The following AASS variants were observed in gnomAD, a reference collection of about 807,000 sequenced individuals.
AASS encodes alpha-aminoadipic semialdehyde synthase, mitochondrial.
In AASS, 86 loss-of-function variants were observed where a neutral mutation model predicts 105.4. That is an observed-to-expected ratio of 0.82 (90% CI 0.69 to 0.98). The LOEUF is 0.98. Ranked by LOEUF, AASS falls within the 50% of genes least tolerant of loss-of-function variation. AASS has a pLI of 0.00. For synonymous variants in AASS, 381 were observed against 394.8 expected, an observed-to-expected ratio of 0.96 and a Z score of 0.41; for missense variants, 1,048 against 1,143.2, an observed-to-expected ratio of 0.92 and a Z score of 1.20.
Position 122,077,735 on chromosome 7 carries a change from T to C in AASS, c.2662+103A>G. The C allele has an allele frequency of 3.5e-6, 5 of 1,428,548 alleles. No individual in the cohort carries two copies. In the East Asian group the frequency reaches 6.8e-5, roughly 19 times the overall value. 88.5% of individuals were successfully genotyped at this position (1,428,548 alleles called of 1,614,324 possible). A position where few individuals can be genotyped will look rare whatever the true frequency, so the allele number is the denominator to read the frequency against. ...ATCTTCTAAGATGGTTCACTTTTAG[T>C]AAATGCCTGTGTTACGCTCAAGAGC... On this transcript the variant is annotated intron_variant, in intron 23 of 23. Transcript: ENST00000417368.
At chr7:122,132,428 A>G (rs567225278) in intron 2 of AASS, among the ~76,000 whole-genome samples, 32 of 152,322 alleles carry the variant, frequency 2.1e-4, no homozygotes, top group Non-Finnish European at 4.1e-4. Context: ...AAGATTATCA[A>G]TGGAGGCTGA....
intron 15 of AASS, among the ~76,000 whole-genome samples, chr7:122,094,354 C>T (rs928627094): frequency 8.6e-5 from 13 of 151,980 alleles, no homozygotes; most frequent in Non-Finnish European, 1.8e-4. Flanking sequence ...TAGCAATACT[C>T]TATTCTATTT....
Position 122,101,654 on chromosome 7 carries a change from A to C in AASS, c.1305T>G (p.Leu435=). The change falls in exon 12 of 24, where the codon CTT becomes CTG. Residue 435 remains leucine, a synonymous_variant. Transcript: ENST00000417368. ...CCACAGGAGAAAAATTCTGACTTTC[A>C]AGAGGCTGTGTCGCGTCTGATAATA... ...EMILSDATQP[L]ESQNFSPVVR... The C allele has an allele frequency of 6.2e-7, 1 of 1,611,784 alleles. No individual in the cohort carries two copies.
At chr7:122,123,445 T>A (rs1041377066) in intron 4 of AASS, among the ~76,000 whole-genome samples, 52 of 152,358 alleles carry the variant, frequency 3.4e-4, no homozygotes, top group African/African-American at 1.2e-3. Context: ...TTGTTTTCTA[T>A]ATCTCATTCA....
Position 122,076,527 on chromosome 7 carries a change from C to T in AASS, c.2743G>A (p.Gly915Ser). 6.2e-7 allele frequency: 1 copy of T among 1,613,848 alleles called. No homozygotes were observed. The highest frequency in any genetic ancestry group is 8.5e-7 in the Non-Finnish European group (1 of 1,179,782). Reference sequence around the variant, plus strand: ...GTACTCTGTGTAGTATATATAATGCCTTCTGCTTTAATTCGCTCCAATATT... The same window carrying T: ...GTACTCTGTGTAGTATATATAATGCTTTCTGCTTTAATTCGCTCCAATATT... Reference protein sequence around the residue: ...GPILERIKAEGIIYTTQSTIK... With the variant: ...GPILERIKAESIIYTTQSTIK... Residue 915 changes from glycine (G) to serine (S), a missense_variant, in exon 24 of 24, where the codon GGC becomes AGC. Physicochemically the swap from Gly to Ser is moderately conservative, Grantham distance 56. Transcript: ENST00000417368.
At position 122,079,648 on chromosome 7, in the gene AASS, G is replaced by C. The variant is rs779774747; in HGVS notation, c.2345C>G (p.Ala782Gly). Reference protein sequence around the residue: ...PSSEHDVLKEAVLKKLGGDNT... With the variant: ...PSSEHDVLKEGVLKKLGGDNT... ...GTCTCCTCCTAGTTTCTTAAGAACA[G>C]CTTCCTTCAACACATCATGCTCAGA... is the stretch of plus-strand genomic sequence containing the variant. Residue 782 changes from alanine to glycine, a missense_variant, in exon 21 of 24, where the codon GCT becomes GGT. By Grantham distance (60) the Ala-to-Gly change is moderately conservative (BLOSUM62 0). Transcript: ENST00000417368. 1.6e-5 allele frequency: 26 copies of C among 1,613,918 alleles called. No individual in the cohort carries two copies. The highest frequency in any genetic ancestry group is 1.6e-4 in the Middle Eastern group (1 of 6,082).
intron 1 of AASS, among the ~76,000 whole-genome samples, chr7:122,141,147 C>T (rs1248065691): frequency 6.6e-6 from 1 of 152,170 alleles, no homozygotes; most frequent in Non-Finnish European, 1.5e-5. Flanking sequence ...CTTTGACTTC[C>T]TGTGCGTGGG....
At chr7:122,079,918 C>T (rs533136281) in intron 20 of AASS, among the ~76,000 whole-genome samples, 14 of 152,214 alleles carry the variant, frequency 9.2e-5, no homozygotes, top group East Asian at 1.9e-4. Context: ...CTATTCCAAA[C>T]GATATTTCAC....
chr7:122,108,932 T>G (rs1337738923), intron 11 of AASS, among the ~76,000 whole-genome samples: 2 of 152,048 alleles, frequency 1.3e-5, no homozygotes, highest in Non-Finnish European at 2.9e-5. Context: ...ATCAAAACAC[T>G]GTTGGAACTG....
At chr7:122,124,465 T>G (rs995476453) in intron 4 of AASS, among the ~76,000 whole-genome samples, 22 of 152,294 alleles carry the variant, frequency 1.4e-4, no homozygotes, top group African/African-American at 5.1e-4. Context: ...GTATTTTTAG[T>G]AGAGAAGGGG....
At chr7:122,114,892 C>T (rs771120038) in intron 9 of AASS, among the ~76,000 whole-genome samples, 182 bp downstream of exon 9, 5 of 151,240 alleles carry the variant, frequency 3.3e-5, no homozygotes, top group African/African-American at 4.9e-5. Context: ...TAAATATATA[C>T]AATAAAATTT....
chr7:122,109,295 G>T (rs1416268094), intron 11 of AASS, among the ~76,000 whole-genome samples: 1 of 137,678 alleles, frequency 7.3e-6, no homozygotes, highest in Non-Finnish European at 1.6e-5. Context: ...AAATAGAAAA[G>T]ACAATCCTAA....
chr7:122,098,964 C>T, intron 13 of AASS, 98 bp from the exon 14 acceptor site: 7 of 1,285,878 alleles, frequency 5.4e-6, no homozygotes, highest in South Asian at 1.6e-5. Flanking sequence ...CATACTAAAA[C>T]CTAAATAATG....
At chr7:122,116,272 C>T (rs535032798) in intron 8 of AASS, among the ~76,000 whole-genome samples, 1 of 152,230 alleles carries the variant, frequency 6.6e-6, no homozygotes, top group East Asian at 1.9e-4. Context: ...CAATTTGCGG[C>T]CATGTTGAGA....
intron 18 of AASS, among the ~76,000 whole-genome samples, chr7:122,087,144 G>A (rs1414205209): frequency 6.6e-6 from 1 of 152,188 alleles, no homozygotes; most frequent in Non-Finnish European, 1.5e-5. Flanking sequence ...CACTGTACCA[G>A]GGAGCTGCCA....
chr7:122,126,645 G>A (rs533927404), intron 3 of AASS, among the ~76,000 whole-genome samples, 186 bp from the exon 4 acceptor site: 4 of 152,164 alleles, frequency 2.6e-5, no homozygotes, highest in Admixed American at 6.5e-5. Context: ...CCAATGGTAG[G>A]CTTGTAATTA....
intron 3 of AASS, among the ~76,000 whole-genome samples, chr7:122,127,277 T>C (rs547107991): frequency 6.6e-5 from 10 of 152,296 alleles, no homozygotes; most frequent in Admixed American, 3.9e-4. Context: ...CAGGAAAGCA[T>C]TAGTAATTCA....
At chr7:122,114,276 C>T (rs1795069825) in intron 9 of AASS, among the ~76,000 whole-genome samples, 1 of 152,150 alleles carries the variant, frequency 6.6e-6, no homozygotes, top group African/African-American at 2.4e-5. Flanking sequence ...TATTAAGCAC[C>T]AATCCTTTCA....
At position 122,073,782 on chromosome 7, in the gene AASS, C is replaced by G. The variant is rs529116468; in HGVS notation, c.*2707G>C. On this transcript the variant is annotated 3_prime_UTR_variant, in exon 24 of 24. Transcript: ENST00000417368. ...AAGCAACCACTAATCTGCCTTCTCTCTATATATATTCGCCTGTTCTGGACA... is the reference window on the plus strand; with the variant it reads ...AAGCAACCACTAATCTGCCTTCTCTGTATATATATTCGCCTGTTCTGGACA... Among the ~76,000 whole-genome samples the G allele has an allele frequency of 2.6e-5, 4 of 152,224 alleles. No homozygotes were observed. In the South Asian group the frequency reaches 6.2e-4, roughly 24 times the overall value.
Sources: allele counts gnomAD v4.1 joint callset (sites outside exome capture counted in the v4.1 genomes callset), GRCh38; gene constraint gnomAD v4.1.1; transcripts MANE v1.5; gene names NCBI Gene and HGNC (gene_info 2026-07-23, HGNC 2026-07-21).